Variants in NEB observed in about 807,000 individuals in gnomAD.
NEB encodes the protein nemaline myopathy type 2.
In NEB, 512 loss-of-function variants were observed where a neutral mutation model predicts 952.2. The ratio of observed to expected loss-of-function variants is 0.54; its 90% CI spans 0.50 to 0.58. The LOEUF (loss-of-function observed/expected upper bound fraction) is 0.58, where lower values mean the gene tolerates loss of function less well. NEB is among the 20% of genes least tolerant of loss of function. The probability of loss-of-function intolerance (pLI) is 0.00; values close to 1 mark genes in which losing one functional copy is unlikely to be tolerated. For missense variants in NEB, 8,428 were observed against 9,231.1 expected (o/e 0.91, Z 3.56); for synonymous variants, 2,900 against 3,149.8 (o/e 0.92, Z 2.66).
chr2:151,733,572 A>G (rs1478526584), intron 2 of NEB, 140 bp downstream of exon 2: 1 of 160,694 alleles, frequency 6.2e-6, no homozygotes, highest in Non-Finnish European at 1.4e-5. Flanking sequence ...GCTGAAATTT[A>G]TCCCCCAGCA....
intron 153 of NEB, among the ~76,000 whole-genome samples, chr2:151,523,718 CAAT>C (rs1466636649): frequency 6.6e-6 from 1 of 152,106 alleles, no homozygotes; most frequent in Non-Finnish European, 1.5e-5. Flanking sequence ...ATTTGCTTCT[CAAT>C]AATATGAGAT....
chr2:151,697,096 C>T (rs1372671421), intron 16 of NEB, 52 bp downstream of exon 16: 1 of 1,346,054 alleles, frequency 7.4e-7, no homozygotes, highest in Admixed American at 1.9e-5. Context: ...ATATCCTGAC[C>T]ACTAGATGCT....
chr2:151,651,004 G>C (rs2099023294), intron 52 of NEB, 119 bp from the exon 53 acceptor site: 6 of 991,688 alleles, frequency 6.1e-6, no homozygotes, highest in Non-Finnish European at 8.6e-6. Context: ...TCCCAGGCTG[G>C]TCTTGAACTC....
chr2:151,495,077 C>T (rs537229270), intron 173 of NEB: 1 of 152,380 alleles, frequency 6.6e-6, no homozygotes, highest in South Asian at 2.1e-4. Context: ...ATCCTCTATG[C>T]TCTGCCTCTT....
At position 151,576,318 on chromosome 2, in the gene NEB, T is replaced by C. The variant is rs190182350; in HGVS notation, c.16741A>G (p.Ile5581Val). 2 of 1,609,404 alleles carry C rather than the reference T, an allele frequency of 1.2e-6. No homozygotes were observed. Among genetic ancestry groups the C allele is most frequent in the East Asian group, 2.2e-5 (1 of 44,816 alleles). Residue 5581 changes from isoleucine (I) to valine (V), a missense_variant, in exon 106 of 182, where the codon ATT becomes GTT. Physicochemically the swap from Ile to Val is conservative, Grantham distance 29. This residue lies in a region of NEB where 3,374 missense variants were observed against 3,651.5 expected (regional missense o/e 0.92). Coordinates refer to ENST00000397345, the MANE Select transcript of NEB (RefSeq NM_001164508.2). The stretch of plus-strand genomic sequence containing the variant: ...GGAGACCCTTGGGGCATCCAGCCAA[T>C]GCCACGCAACCACTCCAAGTCAGCC... ...YKADLEWLRG[I>V]GWMPQGSPEV... is the part of the protein sequence containing the mutation.
chr2:151,687,098 G>T, intron 27 of NEB, among the ~76,000 whole-genome samples: 1 of 152,316 alleles, frequency 6.6e-6, no homozygotes, highest in South Asian at 2.1e-4. Flanking sequence ...TTTAAAAATT[G>T]TTTTTCAATT....
intron 130 of NEB, among the ~76,000 whole-genome samples, chr2:151,549,433 G>T (rs1475659753): frequency 1.3e-5 from 2 of 152,204 alleles, no homozygotes; most frequent in Non-Finnish European, 2.9e-5. Context: ...AACCCATGGG[G>T]CTACCCAGGC....
chr2:151,705,381 CAA>C (rs935829993), intron 13 of NEB, among the ~76,000 whole-genome samples: 17 of 152,152 alleles, frequency 1.1e-4, no homozygotes, highest in Non-Finnish European at 2.1e-4. Context: ...TCTTTATCAA[CAA>C]AGGAGATTTG....
intron 142 of NEB, among the ~76,000 whole-genome samples, 168 bp downstream of exon 142, chr2:151,535,523 G>C (rs927154244): frequency 3.3e-5 from 5 of 152,180 alleles, no homozygotes; most frequent in African/African-American, 1.2e-4. Context: ...TAGTTTGGCA[G>C]AGCTTGTTGG....
intron 181 of NEB, among the ~76,000 whole-genome samples, chr2:151,489,377 A>G (rs1234076412): frequency 6.6e-6 from 1 of 151,756 alleles, no homozygotes; most frequent in Non-Finnish European, 1.5e-5. Context: ...GCATGTATAT[A>G]TGTGGGCACA....
At chr2:151,696,960 GC>G (rs1466439198) in intron 16 of NEB, among the ~76,000 whole-genome samples, 187 bp downstream of exon 16, 2 of 152,190 alleles carry the variant, frequency 1.3e-5, no homozygotes, top group African/African-American at 2.4e-5. Context: ...GGGAAAATGA[GC>G]TAGAATTACC....
intron 147 of NEB, 46 bp downstream of exon 147, chr2:151,527,435 C>A: frequency 7.7e-7 from 1 of 1,302,020 alleles, no homozygotes. Context: ...TTGTATTTCT[C>A]AGGTGCAGTA....
At chr2:151,618,107 G>A (rs1438461058) in intron 74 of NEB, among the ~76,000 whole-genome samples, 168 bp downstream of exon 74, 1 of 152,098 alleles carries the variant, frequency 6.6e-6, no homozygotes, top group Non-Finnish European at 1.5e-5. Context: ...TTTAACAATG[G>A]TTTAATATTT....
intron 4 of NEB, among the ~76,000 whole-genome samples, chr2:151,728,238 C>T (rs1410464988): frequency 1.3e-5 from 2 of 152,152 alleles, no homozygotes; most frequent in Non-Finnish European, 2.9e-5. Flanking sequence ...TTTTTTAAAA[C>T]AGTTGAAAAT....
At chr2:151,619,106 C>T (rs973701131) in intron 73 of NEB, among the ~76,000 whole-genome samples, 7 of 152,158 alleles carry the variant, frequency 4.6e-5, no homozygotes, top group African/African-American at 1.7e-4. Flanking sequence ...CCCTACTGCC[C>T]TCTGCCAACA....
chr2:151,657,941 C>T, intron 48 of NEB, 42 bp downstream of exon 48: 1 of 1,426,242 alleles, frequency 7.0e-7, no homozygotes, highest in Non-Finnish European at 9.7e-7. Flanking sequence ...ATTTCGGTTC[C>T]TTAGAAACCC....
rs150842230 is a variant in NEB, at chr2:151,553,464, A to G, written c.19665T>C (p.Ile6555=). 2.4e-4 allele frequency: 390 copies of G among 1,613,770 alleles called. No homozygotes were observed. In the African/African-American group the frequency reaches 4.7e-3, roughly 19 times the overall value. The change falls in exon 127 of 182, where the codon ATT becomes ATC. Residue 6555 remains isoleucine, a synonymous_variant. Transcript: ENST00000397345. ...YKDDLNWLKG[I]GCYVWDTPEI... is the part of the protein sequence containing the mutation. ...CAGGAGTGTCCCAGACGTAGCAACC[A>G]ATGCCTTTCAGCCAGTTGAGGTCAT...
intron 6 of NEB, 69 bp from the exon 7 acceptor site, chr2:151,725,030 A>G (rs2099786293): frequency 2.7e-5 from 32 of 1,188,458 alleles, no homozygotes; most frequent in Non-Finnish European, 3.7e-5. Context: ...GGAATTTCTT[A>G]TAACCACAGA....
intron 35 of NEB, 98 bp downstream of exon 35, chr2:151,675,189 A>G (rs1376256759): frequency 1.2e-6 from 1 of 847,816 alleles, no homozygotes; most frequent in Non-Finnish European, 2.0e-6. Context: ...TTTGTGAGAA[A>G]TGGGCCTAAA....
Sources: gnomAD v4.1 joint callset for allele counts (sites outside exome capture counted in the v4.1 genomes callset) on GRCh38, gnomAD v4.1.1 for gene constraint, gnomAD v4.1.1 regional missense constraint, MANE v1.5 for transcripts, NCBI Gene and HGNC (gene_info 2026-07-23, HGNC 2026-07-21) for gene names.